GRIK1: variants seen among roughly 807,000 people sequenced by gnomAD.
The protein encoded by GRIK1 is glutamate receptor ionotropic, kainate 1.
In GRIK1, 69 loss-of-function variants were observed where a neutral mutation model predicts 105.7. The ratio of observed to expected loss-of-function variants is 0.65; its 90% CI spans 0.54 to 0.80. The LOEUF is 0.80. Among genes scored for constraint, GRIK1 ranks in the 30% least tolerant of loss-of-function variants. The probability of loss-of-function intolerance (pLI) is 0.00; values close to 1 mark genes in which losing one functional copy is unlikely to be tolerated. For synonymous variants in GRIK1, 438 were observed against 431.3 expected (o/e 1.02, Z -0.19); for missense variants, 1,109 against 1,167.3 (o/e 0.95, Z 0.73).
At chr21:29,785,822 T>C (rs1430730045) in intron 1 of GRIK1, among the ~76,000 whole-genome samples, 5 of 152,122 alleles carry the variant, frequency 3.3e-5, no homozygotes, top group African/African-American at 7.2e-5. Context: ...CAAGGCTTTA[T>C]CCCTCTGAGA....
intron 2 of GRIK1, among the ~76,000 whole-genome samples, chr21:29,691,835 C>G (rs1183143385): frequency 6.6e-6 from 1 of 152,150 alleles, no homozygotes; most frequent in Non-Finnish European, 1.5e-5. Flanking sequence ...ATCTAAGGAA[C>G]AGCAAATGTT....
At chr21:29,768,642 A>G (rs139114401) in intron 1 of GRIK1, among the ~76,000 whole-genome samples, 1 of 152,196 alleles carries the variant, frequency 6.6e-6, no homozygotes, top group Non-Finnish European at 1.5e-5. Context: ...GCATATGTGC[A>G]GGGGGGATGC....
At chr21:29,581,374 C>T in intron 13 of GRIK1, 51 bp downstream of exon 13, 1 of 1,027,838 alleles carries the variant, frequency 9.7e-7, no homozygotes, top group South Asian at 1.3e-5. Context: ...AGCATGAAAG[C>T]CTGTCAGCAC....
At chr21:29,921,946 C>A (rs1371685000) in intron 1 of GRIK1, among the ~76,000 whole-genome samples, 2 of 152,152 alleles carry the variant, frequency 1.3e-5, no homozygotes, top group East Asian at 3.9e-4. Context: ...GTAGATTTAC[C>A]TTTGCTTTTG....
At chr21:29,706,771 A>G (rs1003690015) in intron 1 of GRIK1, among the ~76,000 whole-genome samples, 4 of 152,190 alleles carry the variant, frequency 2.6e-5, no homozygotes, top group African/African-American at 9.7e-5. Flanking sequence ...CACACCATTT[A>G]TTTTTAAAGT....
intron 7 of GRIK1, among the ~76,000 whole-genome samples, chr21:29,599,846 A>T (rs1252759400): frequency 6.6e-6 from 1 of 152,214 alleles, no homozygotes; most frequent in Non-Finnish European, 1.5e-5. Flanking sequence ...TGCGCCTGTA[A>T]TCCCAGCACT....
chr21:29,576,293 G>A (rs1360944268), intron 14 of GRIK1, among the ~76,000 whole-genome samples: 1 of 152,182 alleles, frequency 6.6e-6, no homozygotes, highest in African/African-American at 2.4e-5. Context: ...CTATGGGTAA[G>A]TAATTAAAAA....
At chr21:29,779,335 AGTGTGT>A (rs3054347) in intron 1 of GRIK1, among the ~76,000 whole-genome samples, 86,402 of 149,756 alleles carry the variant, frequency 0.58, 26,300 homozygotes, top group South Asian at 0.68. Context: ...TCAGTGAGTG[AGTGTGT>A]GTGTGTGTGT....
At chr21:29,567,981 A>G (rs2090649322) in intron 14 of GRIK1, among the ~76,000 whole-genome samples, 1 of 152,216 alleles carries the variant, frequency 6.6e-6, no homozygotes, top group Non-Finnish European at 1.5e-5. Flanking sequence ...ATGAAAAGTT[A>G]TGACATTTGC....
intron 14 of GRIK1, among the ~76,000 whole-genome samples, chr21:29,565,392 A>G (rs906804967): frequency 1.2e-4 from 19 of 152,214 alleles, no homozygotes; most frequent in African/African-American, 3.4e-4. Context: ...ATAGGTAGAA[A>G]TATCTGCAGA....
intron 1 of GRIK1, among the ~76,000 whole-genome samples, chr21:29,772,679 G>A (rs1340133989): frequency 6.6e-6 from 1 of 151,968 alleles, no homozygotes; most frequent in African/African-American, 2.4e-5. Flanking sequence ...TTGTAAATTT[G>A]CGTATGTGAA....
In GRIK1 at chr21:29,900,357, G is replaced by A. The variant is rs1407602933; in HGVS notation, c.118+39026C>T. ...ACTGGCAAATTGGATAAACAGTCAA[G>A]ACCCATTGGTGTGCTGTATTCAGGA... On this transcript the variant is annotated intron_variant, in intron 1 of 17. Coordinates refer to ENST00000327783, the MANE Select transcript of GRIK1 (RefSeq NM_001330994.2). Among the ~76,000 whole-genome samples, 3 of 150,940 alleles carry A rather than the reference G, an allele frequency of 2.0e-5. No homozygotes were observed. The Admixed American group carries it at 2.0e-4, about 10-fold the overall frequency.
chr21:29,696,280 T>A (rs1346084052), intron 1 of GRIK1, among the ~76,000 whole-genome samples: 3 of 152,242 alleles, frequency 2.0e-5, no homozygotes, highest in Non-Finnish European at 4.4e-5. Flanking sequence ...ACCTACTATG[T>A]ACCCACAAAA....
chr21:29,798,539 C>G (rs769041967), intron 1 of GRIK1, among the ~76,000 whole-genome samples: 20 of 152,146 alleles, frequency 1.3e-4, no homozygotes, highest in Non-Finnish European at 2.8e-4. Context: ...CAAGTGAATT[C>G]CAGTCTTAAC....
intron 1 of GRIK1, among the ~76,000 whole-genome samples, chr21:29,706,801 C>T (rs959537142): frequency 2.0e-5 from 3 of 152,200 alleles, no homozygotes; most frequent in Non-Finnish European, 4.4e-5. Flanking sequence ...TGAAAGTCCA[C>T]TTGACTGCTC....
At chr21:29,810,096 C>T (rs1379032595) in intron 1 of GRIK1, among the ~76,000 whole-genome samples, 1 of 151,900 alleles carries the variant, frequency 6.6e-6, no homozygotes, top group Non-Finnish European at 1.5e-5. Context: ...TCAGGAGTTC[C>T]AGACCAGTAT....
At chr21:29,754,752 G>T (rs1434117878) in intron 1 of GRIK1, among the ~76,000 whole-genome samples, 6 of 152,172 alleles carry the variant, frequency 3.9e-5, no homozygotes, top group Admixed American at 3.9e-4. Flanking sequence ...ATCTGGGTGG[G>T]CCTGATTCAA....
At chr21:29,818,331 C>T (rs1244837345) in intron 1 of GRIK1, among the ~76,000 whole-genome samples, 1 of 152,060 alleles carries the variant, frequency 6.6e-6, no homozygotes, top group Non-Finnish European at 1.5e-5. Flanking sequence ...CTGAATCAAT[C>T]CCAAATGATG....
At position 29,654,028 on chromosome 21, in the gene GRIK1, T is replaced by C. The variant is rs190520312; in HGVS notation, c.780+782A>G. Among the ~76,000 whole-genome samples the C allele has an allele frequency of 3.2e-3, 495 of 152,320 alleles. 4 individuals carry two copies. Among genetic ancestry groups the C allele is most frequent in the African/African-American group, 0.011 (474 of 41,568 alleles). On this transcript the variant is annotated intron_variant, in intron 5 of 17. Coordinates refer to ENST00000327783, the MANE Select transcript of GRIK1 (RefSeq NM_001330994.2). ...GAATTTGCTAAAATGGCACTGTTACTGACCCCCCCAGAATCCAGGTCAAAT... is the reference window on the plus strand; with the variant it reads ...GAATTTGCTAAAATGGCACTGTTACCGACCCCCCCAGAATCCAGGTCAAAT...
Sources: gnomAD v4.1 joint callset for allele counts (sites outside exome capture counted in the v4.1 genomes callset) on GRCh38, gnomAD v4.1.1 for gene constraint, MANE v1.5 for transcripts, NCBI Gene and HGNC (gene_info 2026-07-23, HGNC 2026-07-21) for gene names.